Variants in MYSM1 observed in about 807,000 individuals in gnomAD.
MYSM1 encodes Myb like, SWIRM and MPN domains 1.
In MYSM1, 51 loss-of-function variants were observed where a neutral mutation model predicts 116.0. That is an observed-to-expected ratio of 0.44 (90% CI 0.35 to 0.56). The LOEUF (loss-of-function observed/expected upper bound fraction) is 0.56, where lower values mean the gene tolerates loss of function less well. MYSM1 is among the 20% of genes least tolerant of loss of function. The pLI is 0.00. For synonymous variants in MYSM1, 313 were observed against 315.2 expected (o/e 0.99, Z 0.07); for missense variants, 900 against 974.9 (o/e 0.92, Z 1.02).
intron 6 of MYSM1, among the ~76,000 whole-genome samples, chr1:58,686,190 C>T (rs987577934): frequency 7.3e-5 from 11 of 151,698 alleles, no homozygotes; most frequent in Admixed American, 4.6e-4. Flanking sequence ...AGGCTGTGCA[C>T]GTCATAACAC....
chr1:58,676,054 A>C (rs1249189035), intron 9 of MYSM1, among the ~76,000 whole-genome samples: 1 of 152,216 alleles, frequency 6.6e-6, no homozygotes, highest in East Asian at 1.9e-4. Flanking sequence ...ACTCTTCTTA[A>C]ACCATGGGTT....
chr1:58,655,763 G>C lies in MYSM1; in HGVS notation c.*4234C>G, dbSNP rs1042474145. The C allele has an allele frequency of 1.3e-5, 2 of 152,058 alleles. No homozygotes were observed. The highest frequency in any genetic ancestry group is 2.9e-5 in the Non-Finnish European group (2 of 68,012). The allele number at this position is 152,058 out of a possible 1,614,324, so 9.4% of individuals were successfully genotyped here. On this transcript the variant is annotated 3_prime_UTR_variant, in exon 20 of 20. Transcript: ENST00000472487. ...CTAATATTAAAGTACTGGTAAACTA[G>C]AGATGCTGATCAAATTTGTTAAATT... is the stretch of plus-strand genomic sequence containing the variant.
intron 8 of MYSM1, among the ~76,000 whole-genome samples, chr1:58,678,754 A>C (rs910442487): frequency 6.6e-6 from 1 of 152,328 alleles, no homozygotes; most frequent in Middle Eastern, 3.4e-3. Context: ...ATAAGCCTCT[A>C]ATTTCCCTCG....
intron 1 of MYSM1, among the ~76,000 whole-genome samples, chr1:58,697,011 G>C (rs1367188774): frequency 6.6e-6 from 1 of 152,198 alleles, no homozygotes; most frequent in Non-Finnish European, 1.5e-5. Context: ...ACGAGGAGCA[G>C]TTAAGAGGGA....
In MYSM1 at chr1:58,682,340, T is replaced by G. The variant is rs750433136; in HGVS notation, c.704A>C (p.Gln235Pro). Residue 235 changes from glutamine to proline, a missense_variant, in exon 8 of 20, where the codon CAA becomes CCA. By Grantham distance (76) the Gln-to-Pro change is moderately conservative. Coordinates refer to ENST00000472487, the MANE Select transcript of MYSM1 (RefSeq NM_001085487.3). ...ACTGCTAGAATTCTTCTGGGGTGTT[T>G]GAGAAGACAACTCGTCCACCTCATC... Reference protein sequence around the residue: ...ITDEVDELSSQTPQKNSSSDL... With the variant: ...ITDEVDELSSPTPQKNSSSDL... The G allele has an allele frequency of 1.2e-6, 2 of 1,614,000 alleles. No homozygotes were observed. Among genetic ancestry groups the G allele is most frequent in the Admixed American group, 3.3e-5 (2 of 59,988 alleles).
intron 14 of MYSM1, among the ~76,000 whole-genome samples, 181 bp from the exon 15 acceptor site, chr1:58,668,102 A>G (rs990329995): frequency 2.0e-5 from 3 of 152,250 alleles, no homozygotes; most frequent in Admixed American, 6.5e-5. Context: ...TTTCAGGTCT[A>G]TCTTCACTGC....
At chr1:58,671,810 C>T in intron 12 of MYSM1, 60 bp downstream of exon 12, 6 of 1,216,252 alleles carry the variant, frequency 4.9e-6, no homozygotes, top group Admixed American at 2.3e-5. Context: ...AATATTTTTT[C>T]ATATATTATC....
chr1:58,673,655 G>A lies in MYSM1; in HGVS notation c.1495-5C>T, dbSNP rs1486996066. The A allele has an allele frequency of 5.0e-6, 8 of 1,612,982 alleles. No individual in the cohort carries two copies. Among genetic ancestry groups the A allele is most frequent in the Middle Eastern group, 1.7e-4 (1 of 6,058 alleles). On this transcript the variant is annotated splice_polypyrimidine_tract_variant and splice_region_variant and intron_variant, in intron 10 of 19. Coordinates refer to ENST00000472487, the MANE Select transcript of MYSM1 (RefSeq NM_001085487.3). ...GACCCTACGTCTCCTTGTACGCTGC[G>A]ATGAGATTAAAGTAAAGCAAAAGGT...
Position 58,682,536 on chromosome 1 carries a change from C to A in MYSM1, c.508G>T (p.Gly170Cys). Residue 170 changes from glycine to cysteine, a missense_variant, in exon 8 of 20, where the codon GGT becomes TGT. By Grantham distance (159) the Gly-to-Cys change is radical. Transcript: ENST00000472487. ...TGATTTGGTGTTTCTTTATCCAGACCGCATTTGACCTTATTAAAAATCAAA... is the reference window on the plus strand; with the variant it reads ...TGATTTGGTGTTTCTTTATCCAGACAGCATTTGACCTTATTAAAAATCAAA... ...RQYFKNKVKC[G>C]LDKETPNQKT... 1 of 1,567,548 alleles carries A rather than the reference C, an allele frequency of 6.4e-7. No individual in the cohort carries two copies. The highest frequency in any genetic ancestry group is 8.6e-7 in the Non-Finnish European group (1 of 1,161,024).
intron 1 of MYSM1, among the ~76,000 whole-genome samples, chr1:58,698,964 T>G (rs1645024084): frequency 6.6e-6 from 1 of 152,240 alleles, no homozygotes; most frequent in African/African-American, 2.4e-5. Context: ...TAGGCTGAAC[T>G]ACATGAAGTT....
chr1:58,677,838 T>C (rs934765135), intron 8 of MYSM1, among the ~76,000 whole-genome samples: 1 of 152,086 alleles, frequency 6.6e-6, no homozygotes, highest in African/African-American at 2.4e-5. Flanking sequence ...TATTCTCATT[T>C]TGGAAATGAG....
intron 5 of MYSM1, 151 bp downstream of exon 5, chr1:58,690,075 C>G: frequency 3.3e-6 from 2 of 600,948 alleles, no homozygotes; most frequent in South Asian, 4.8e-5. Context: ...TATACTTGTG[C>G]CACTCCAACA....
intron 16 of MYSM1, 137 bp from the exon 17 acceptor site, chr1:58,665,768 G>T: frequency 1.6e-6 from 1 of 629,556 alleles, no homozygotes; most frequent in Non-Finnish European, 2.7e-6. Flanking sequence ...CATCTGGCCC[G>T]GCACAGTGGC....
intron 14 of MYSM1, 68 bp downstream of exon 14, chr1:58,668,564 C>G (rs1209702086): frequency 3.3e-6 from 5 of 1,525,708 alleles, no homozygotes; most frequent in Admixed American, 2.4e-5. Flanking sequence ...CTCTGTCTTA[C>G]GCCTGCAATA....
Position 58,665,498 on chromosome 1 carries a change from C to A in MYSM1, c.2164+1G>T, listed in dbSNP as rs558614618. 1.3e-6 allele frequency: 2 copies of A among 1,583,356 alleles called. No individual in the cohort carries two copies. The highest frequency in any genetic ancestry group is 1.7e-6 in the Non-Finnish European group (2 of 1,165,890). On this transcript the variant is annotated splice_donor_variant, in intron 17 of 19. Transcript: ENST00000472487. LOFTEE classifies it high-confidence loss of function. Reference sequence around the variant, plus strand: ...TAAAGTTATTTTTGTTGAAAACTTACGATAAGAGCCATCTGGGCTAATTTC... The same window carrying A: ...TAAAGTTATTTTTGTTGAAAACTTAAGATAAGAGCCATCTGGGCTAATTTC...
At chr1:58,674,582 T>C (rs1184830564) in intron 10 of MYSM1, among the ~76,000 whole-genome samples, 1 of 152,234 alleles carries the variant, frequency 6.6e-6, no homozygotes, top group African/African-American at 2.4e-5. Context: ...ATTACTAATT[T>C]AATCCATTAG....
At chr1:58,681,496 G>A (rs532931783) in intron 8 of MYSM1, among the ~76,000 whole-genome samples, 1 of 152,174 alleles carries the variant, frequency 6.6e-6, no homozygotes, top group African/African-American at 2.4e-5. Context: ...GTGCAGTGGT[G>A]TTCTCTCTAT....
In MYSM1 at chr1:58,655,157, ACTAAT is replaced by A. The variant is rs1232138841; in HGVS notation, c.*4835_*4839del. 6.6e-6 allele frequency: 1 copy of A among 152,200 alleles called. No individual in the cohort carries two copies. The highest frequency in any genetic ancestry group is 1.5e-5 in the Non-Finnish European group (1 of 68,008). 9.4% of individuals were successfully genotyped at this position (152,200 alleles called of 1,614,324 possible). ...AATCCACAAATCTAAAAGATATATG[ACTAAT>A]CTATTTAACTCACGCTAGAATCTAA... On this transcript the variant is annotated 3_prime_UTR_variant, in exon 20 of 20. Transcript: ENST00000472487.
rs1269328232 is a variant in MYSM1, at chr1:58,681,778, T to C, written c.1259+7A>G. On this transcript the variant is annotated splice_region_variant and intron_variant, in intron 8 of 19. Transcript: ENST00000472487. ...AAAACAACATCTATAATGTAATTCT[T>C]TCTTACCATTGATCCAAAATATAAT... is the stretch of plus-strand genomic sequence containing the variant. 6.4e-7 allele frequency: 1 copy of C among 1,572,110 alleles called. No individual in the cohort carries two copies. The highest frequency in any genetic ancestry group is 2.2e-5 in the East Asian group (1 of 44,676).
Sources: allele counts gnomAD v4.1 joint callset (sites outside exome capture counted in the v4.1 genomes callset), GRCh38; gene constraint gnomAD v4.1.1; transcripts MANE v1.5; gene names NCBI Gene and HGNC (gene_info 2026-07-23, HGNC 2026-07-21).